The following ABTB2 variants were observed in gnomAD, a reference collection of about 807,000 sequenced individuals.
ABTB2 encodes the protein ankyrin repeat and BTB/POZ domain-containing protein 2.
ABTB2 carries 56 observed loss-of-function variants against 104.1 expected under a neutral mutation model. That is an observed-to-expected ratio of 0.54 (90% CI 0.43 to 0.67). The LOEUF is 0.67. Ranked by LOEUF, ABTB2 falls within the 30% of genes least tolerant of loss-of-function variation. The pLI, the probability that ABTB2 is intolerant of heterozygous loss-of-function variation, is 0.00. For missense variants in ABTB2, 1,279 were observed against 1,407.7 expected, an observed-to-expected ratio of 0.91 and a Z score of 1.46; for synonymous variants, 606 against 608.2, an observed-to-expected ratio of 1.00 and a Z score of 0.05.
intron 9 of ABTB2, among the ~76,000 whole-genome samples, chr11:34,163,552 C>T (rs1852753025): frequency 6.6e-6 from 1 of 152,182 alleles, no homozygotes; most frequent in Non-Finnish European, 1.5e-5. Context: ...TCTGTCACCT[C>T]CTGTGGCCTG....
At chr11:34,334,495 TA>T (rs1855169073) in intron 1 of ABTB2, among the ~76,000 whole-genome samples, 1 of 152,216 alleles carries the variant, frequency 6.6e-6, no homozygotes, top group African/African-American at 2.4e-5. Flanking sequence ...ACTAATTTTT[TA>T]ACCTCAGGTG....
intron 1 of ABTB2, among the ~76,000 whole-genome samples, chr11:34,336,365 A>C (rs998397302): frequency 4.6e-5 from 7 of 152,180 alleles, no homozygotes; most frequent in Non-Finnish European, 1.0e-4. Context: ...CTAGCACCAC[A>C]TTAAAAAAGC....
chr11:34,228,923 C>T (rs1853722920), intron 1 of ABTB2, among the ~76,000 whole-genome samples: 1 of 151,718 alleles, frequency 6.6e-6, no homozygotes, highest in Non-Finnish European at 1.5e-5. Context: ...AGTTCGAGAC[C>T]AGCCTGGCCA....
intron 3 of ABTB2, among the ~76,000 whole-genome samples, chr11:34,187,245 A>G (rs1446747077): frequency 6.6e-6 from 1 of 152,218 alleles, no homozygotes; most frequent in Admixed American, 6.5e-5. Flanking sequence ...TTTAACCTTC[A>G]GCAGCCGCAG....
At chr11:34,283,362 C>T (rs1333852603) in intron 1 of ABTB2, among the ~76,000 whole-genome samples, 7 of 151,830 alleles carry the variant, frequency 4.6e-5, no homozygotes, top group African/African-American at 9.7e-5. Context: ...ATTACAGGCA[C>T]GTGCCACCAT....
chr11:34,354,333 G>A (rs7927718), intron 1 of ABTB2, among the ~76,000 whole-genome samples: 19,903 of 151,954 alleles, frequency 0.13, 2,215 homozygotes, highest in East Asian at 0.36. Context: ...ACATGGGGTC[G>A]TGGCTGAGTG....
chr11:34,298,127 T>C (rs2611120), intron 1 of ABTB2, among the ~76,000 whole-genome samples: 82,319 of 151,178 alleles, frequency 0.54, 23,430 homozygotes, highest in African/African-American at 0.72. Flanking sequence ...CTCAGGTGTT[T>C]TGTTATAACA....
intron 2 of ABTB2, among the ~76,000 whole-genome samples, chr11:34,199,174 T>C (rs1343561533): frequency 2.0e-5 from 3 of 152,248 alleles, no homozygotes; most frequent in African/African-American, 7.2e-5. Context: ...AGGCTTGATT[T>C]GAGCTCATTA....
In ABTB2 at chr11:34,153,851, T is replaced by C. The variant is rs993621191; in HGVS notation, c.2880+414A>G. ...TGGGAGGGTTTTTGCAAATCAAATA[T>C]GATTCCTGAGTTTTGAGTCTGAGCA... On this transcript the variant is annotated intron_variant, in intron 16 of 16. Transcript: ENST00000435224. Among the ~76,000 whole-genome samples, 9 of 152,202 alleles carry C rather than the reference T, an allele frequency of 5.9e-5. No homozygotes were observed. The East Asian group carries it at 9.6e-4, about 16-fold the overall frequency.
chr11:34,314,532 A>C (rs1307169986), intron 1 of ABTB2, among the ~76,000 whole-genome samples: 1 of 152,230 alleles, frequency 6.6e-6, no homozygotes, highest in African/African-American at 2.4e-5. Context: ...GCTAGGTGCC[A>C]CAGGGGCATG....
At chr11:34,283,078 T>A (rs1854467159) in intron 1 of ABTB2, among the ~76,000 whole-genome samples, 1 of 118,414 alleles carries the variant, frequency 8.4e-6, no homozygotes, top group South Asian at 2.6e-4. Context: ...CCAGCTAATT[T>A]TTTTTTTTTT....
At position 34,237,299 on chromosome 11, in the gene ABTB2, T is replaced by C. The variant is rs376237317; in HGVS notation, c.884-32609A>G. Among the ~76,000 whole-genome samples the C allele has an allele frequency of 1.9e-3, 272 of 145,498 alleles. 1 individual carries two copies. The highest frequency in any genetic ancestry group is 7.1e-3 in the African/African-American group (262 of 36,996). On this transcript the variant is annotated intron_variant, in intron 1 of 16. Transcript: ENST00000435224. ...TTCTTTTTTTTTTTTTTTTTTTTTT[T>C]AGACCGAGTCTCGCTCTATTGCCCA...
chr11:34,245,131 G>A (rs757438650), intron 1 of ABTB2, among the ~76,000 whole-genome samples: 1 of 152,214 alleles, frequency 6.6e-6, no homozygotes. Flanking sequence ...TATTATAATG[G>A]CTGATAACAG....
chr11:34,188,911 T>C (rs921120099), intron 3 of ABTB2, among the ~76,000 whole-genome samples: 2 of 152,184 alleles, frequency 1.3e-5, no homozygotes, highest in Non-Finnish European at 2.9e-5. Flanking sequence ...ATGTGGTACC[T>C]CACTCGTATC....
chr11:34,326,633 A>G (rs1037343852), intron 1 of ABTB2, among the ~76,000 whole-genome samples: 11 of 151,908 alleles, frequency 7.2e-5, no homozygotes, highest in Non-Finnish European at 1.6e-4. Context: ...CTGTCTCAAA[A>G]AAAAAAAAAA....
At position 34,154,703 on chromosome 11, in the gene ABTB2, C is replaced by T. The variant is rs371241407; in HGVS notation, c.2764G>A (p.Glu922Lys). Reference sequence around the variant, plus strand: ...CCTCCCCCTCTCCCGAGTCTCACCTCCAGGATGTCAGTGGTGGGGATCTCC... The same window carrying T: ...CCTCCCCCTCTCCCGAGTCTCACCTTCAGGATGTCAGTGGTGGGGATCTCC... ...SMEIPTTDIL[E>K]LLSAASLFQL... Residue 922 changes from glutamate to lysine, a missense_variant and splice_region_variant, in exon 15 of 17, where the codon GAG becomes AAG. By Grantham distance (56) the Glu-to-Lys change is moderately conservative. Coordinates refer to ENST00000435224, the MANE Select transcript of ABTB2 (RefSeq NM_145804.3). The surrounding 1 kb of genome is among the most constrained non-coding windows in gnomAD (Gnocchi z 4.9). 4.3e-6 allele frequency: 7 copies of T among 1,614,056 alleles called. No individual in the cohort carries two copies. The highest frequency in any genetic ancestry group is 5.9e-6 in the Non-Finnish European group (7 of 1,179,994).
intron 2 of ABTB2, among the ~76,000 whole-genome samples, chr11:34,199,222 T>A (rs1222751304): frequency 1.3e-5 from 2 of 152,174 alleles, no homozygotes; most frequent in Non-Finnish European, 2.9e-5. Flanking sequence ...GGTGATGGTG[T>A]TTGGCTTCCA....
intron 3 of ABTB2, among the ~76,000 whole-genome samples, chr11:34,180,010 T>A (rs1044042576): frequency 1.1e-4 from 16 of 152,204 alleles, no homozygotes; most frequent in Non-Finnish European, 2.2e-4. Context: ...TCTCCATAAA[T>A]GTTAACTATT....
chr11:34,259,775 C>T (rs931769740), intron 1 of ABTB2, among the ~76,000 whole-genome samples: 4 of 152,146 alleles, frequency 2.6e-5, no homozygotes, highest in South Asian at 2.1e-4. Flanking sequence ...TAGGACTAGT[C>T]AACAAATCCC....
Sources: gnomAD v4.1 joint callset for allele counts (sites outside exome capture counted in the v4.1 genomes callset) on GRCh38, gnomAD v4.1.1 for gene constraint, Gnocchi (gnomAD v3.1) non-coding constraint, MANE v1.5 for transcripts, NCBI Gene and HGNC (gene_info 2026-07-23, HGNC 2026-07-21) for gene names.